The following CFTR variants were observed in gnomAD, a reference collection of about 807,000 sequenced individuals.
CFTR encodes the protein CF transmembrane conductance regulator, also known as cystic fibrosis transmembrane conductance regulator.
A neutral mutation model predicts 171.6 loss-of-function variants in CFTR; 181 were observed. That is an observed-to-expected ratio of 1.05 (90% CI 0.93 to 1.19). The LOEUF (loss-of-function observed/expected upper bound fraction) is 1.19, where lower values mean the gene tolerates loss of function less well. Among genes scored for constraint, CFTR ranks in the 50% most tolerant of loss-of-function variants. The pLI, the probability that CFTR is intolerant of heterozygous loss-of-function variation, is 0.00. For synonymous variants in CFTR, 583 were observed against 608.0 expected, an observed-to-expected ratio of 0.96 and a Z score of 0.60; for missense variants, 1,968 against 1,734.7, an observed-to-expected ratio of 1.13 and a Z score of -2.39.
chr7:117,637,601 G>T (rs1792847014), intron 22 of CFTR, among the ~76,000 whole-genome samples: 1 of 152,090 alleles, frequency 6.6e-6, no homozygotes, highest in South Asian at 2.1e-4. Context: ...CTGGGGCCAG[G>T]TGCGGTGGCT....
At position 117,489,171 on chromosome 7, in the gene CFTR, G is replaced by A. The variant is rs1453353411; in HGVS notation, c.53+9024G>A. On this transcript the variant is annotated intron_variant, in intron 1 of 26. Transcript: ENST00000003084. ...CTTTATTATGCCTTGAAATTATACT[G>A]CCTGTCCTACAGGTGAAGGTGTTAT... 2.0e-5 allele frequency among the ~76,000 whole-genome samples: 3 copies of A among 152,138 alleles called. No individual in the cohort carries two copies. In the South Asian group the frequency reaches 6.2e-4, roughly 32 times the overall value.
At chr7:117,662,113 C>T (rs1157138730) in intron 24 of CFTR, among the ~76,000 whole-genome samples, 1 of 151,318 alleles carries the variant, frequency 6.6e-6, no homozygotes, top group Non-Finnish European at 1.5e-5. Flanking sequence ...ATCTTGAATA[C>T]TCACATGCAA....
intron 9 of CFTR, among the ~76,000 whole-genome samples, chr7:117,547,293 G>A (rs1799162473): frequency 6.6e-6 from 1 of 152,080 alleles, no homozygotes; most frequent in Non-Finnish European, 1.5e-5. Flanking sequence ...GGCAAATGAT[G>A]TAGTTTCTTG....
intron 24 of CFTR, among the ~76,000 whole-genome samples, chr7:117,662,612 C>T (rs1234976296): frequency 1.3e-5 from 2 of 151,656 alleles, no homozygotes; most frequent in Non-Finnish European, 2.9e-5. Flanking sequence ...AGGAGAACTA[C>T]CATAGGATTT....
chr7:117,499,066 T>C (rs1336346208), intron 1 of CFTR, among the ~76,000 whole-genome samples: 1 of 152,198 alleles, frequency 6.6e-6, no homozygotes, highest in Non-Finnish European at 1.5e-5. Context: ...TTTCCTATTT[T>C]ATTTTATTGC....
At chr7:117,633,432 C>CATAG (rs1792781193) in intron 22 of CFTR, among the ~76,000 whole-genome samples, 1 of 152,038 alleles carries the variant, frequency 6.6e-6, no homozygotes, top group Non-Finnish European at 1.5e-5. Flanking sequence ...GAATCTTCTA[C>CATAG]ATAGATTATC....
chr7:117,500,278 C>CT (rs745627454), intron 1 of CFTR, among the ~76,000 whole-genome samples: 1,501 of 76,294 alleles, frequency 0.02, 12 homozygotes, highest in East Asian at 0.025. Flanking sequence ...TTCTTCCTTT[C>CT]TTTTTTTTTT....
chr7:117,663,545 C>T (rs1793322858), intron 24 of CFTR, among the ~76,000 whole-genome samples: 1 of 148,622 alleles, frequency 6.7e-6, no homozygotes, highest in Non-Finnish European at 1.5e-5. Flanking sequence ...TTGGTCCTAA[C>T]ACAACTTTCA....
intron 17 of CFTR, chr7:117,605,063 A>G (rs776636219): frequency 6.6e-6 from 1 of 152,232 alleles, no homozygotes; most frequent in Non-Finnish European, 1.5e-5. Context: ...TGCCTGCTAC[A>G]TAGCCAATGG....
intron 15 of CFTR, among the ~76,000 whole-genome samples, chr7:117,600,628 T>C (rs962833457): frequency 1.3e-5 from 2 of 152,048 alleles, no homozygotes; most frequent in African/African-American, 2.4e-5. Context: ...TTAGGGCAGC[T>C]TTATGACAGT....
At chr7:117,634,519 C>T (rs1792797067) in intron 22 of CFTR, among the ~76,000 whole-genome samples, 1 of 151,842 alleles carries the variant, frequency 6.6e-6, no homozygotes, top group African/African-American at 2.4e-5. Flanking sequence ...TTAATTTGAT[C>T]TTCTTTTGCT....
chr7:117,614,004 T>TTG (rs1293482335), intron 20 of CFTR, among the ~76,000 whole-genome samples: 6 of 145,720 alleles, frequency 4.1e-5, no homozygotes, highest in African/African-American at 1.3e-4. Context: ...GTAATCTTTT[T>TTG]TTTTTTTTTT....
chr7:117,652,026 C>G lies in CFTR; in HGVS notation c.3874-816C>G, dbSNP rs114566456. ...CAAAAATATTATTTTCAATTCACCC[C>G]AGGCACAGAGAACTAAGTATTATTA... On this transcript the variant is annotated intron_variant, in intron 23 of 26. Transcript: ENST00000003084. Among the ~76,000 whole-genome samples the G allele has an allele frequency of 5.3e-3, 813 of 152,236 alleles. 2 individuals carry two copies. Among genetic ancestry groups the G allele is most frequent in the African/African-American group, 0.019 (775 of 41,546 alleles).
chr7:117,531,569 G>A (rs752479687), intron 4 of CFTR, among the ~76,000 whole-genome samples: 5 of 151,990 alleles, frequency 3.3e-5, no homozygotes, highest in Non-Finnish European at 7.4e-5. Context: ...AGTATCCACC[G>A]CCTTATTTTG....
chr7:117,522,812 T>C (rs1311573307), intron 3 of CFTR, among the ~76,000 whole-genome samples: 1 of 152,138 alleles, frequency 6.6e-6, no homozygotes, highest in Non-Finnish European at 1.5e-5. Context: ...AAGCTAGGTA[T>C]CAGTTACCAG....
In CFTR at chr7:117,664,811, A is replaced by C. The variant is rs1060503166; in HGVS notation, c.4087A>C (p.Lys1363Gln). 1.2e-6 allele frequency: 2 copies of C among 1,613,914 alleles called. No homozygotes were observed. The highest frequency in any genetic ancestry group is 1.7e-6 in the Non-Finnish European group (2 of 1,179,924). Residue 1363 changes from lysine to glutamine, a missense_variant, in exon 25 of 27, where the codon AAG becomes CAG. By Grantham distance (53) the Lys-to-Gln change is moderately conservative. Transcript: ENST00000003084. ...LMCLARSVLS[K>Q]AKILLLDEPS... ...GTGCTTGGCTAGATCTGTTCTCAGT[A>C]AGGCGAAGATCTTGCTGCTTGATGA...
chr7:117,507,692 C>T (rs1451141496), intron 2 of CFTR, among the ~76,000 whole-genome samples: 2 of 152,208 alleles, frequency 1.3e-5, no homozygotes, highest in African/African-American at 2.4e-5. Context: ...GAAGGGCTCT[C>T]ATTAGCAAGC....
In CFTR at chr7:117,536,407, G is replaced by A. The variant is rs934346302; in HGVS notation, c.744-141G>A. On this transcript the variant is annotated intron_variant, in intron 6 of 26. Transcript: ENST00000003084. ...TTACCAAACAGTAGTTATTATTTTTGTTACCATCTATTTGATAATAAAATA... is the reference window on the plus strand; with the variant it reads ...TTACCAAACAGTAGTTATTATTTTTATTACCATCTATTTGATAATAAAATA... 8.3e-6 allele frequency: 7 copies of A among 846,734 alleles called. No homozygotes were observed. In the East Asian group the frequency reaches 8.3e-5, roughly 10 times the overall value. 52.5% of individuals were successfully genotyped at this position (846,734 alleles called of 1,614,324 possible).
chr7:117,504,201 C>A, intron 1 of CFTR, 52 bp from the exon 2 acceptor site: 1 of 1,054,250 alleles, frequency 9.5e-7, no homozygotes, highest in Non-Finnish European at 1.5e-6. Flanking sequence ...GATTCCAAAT[C>A]TGTATGGAGA....
Sources: allele counts gnomAD v4.1 joint callset (sites outside exome capture counted in the v4.1 genomes callset), GRCh38; gene constraint gnomAD v4.1.1; transcripts MANE v1.5; gene names NCBI Gene and HGNC (gene_info 2026-07-23, HGNC 2026-07-21).